The following INPP4B variants were observed in gnomAD, a reference collection of about 807,000 sequenced individuals.
INPP4B encodes inositol polyphosphate-4-phosphatase type II B.
A neutral mutation model predicts 122.5 loss-of-function variants in INPP4B; 55 were observed. The observed-to-expected ratio is 0.45, with a 90% CI of 0.36 to 0.56. The LOEUF (loss-of-function observed/expected upper bound fraction) is 0.56, where lower values mean the gene tolerates loss of function less well. INPP4B is among the 20% of genes least tolerant of loss of function. INPP4B has a pLI of 0.00. For synonymous variants in INPP4B, 403 were observed against 388.7 expected (o/e 1.04, Z -0.43); for missense variants, 1,000 against 1,097.7 (o/e 0.91, Z 1.26).
intron 1 of INPP4B, among the ~76,000 whole-genome samples, chr4:142,751,226 CAG>C (rs1372405108): frequency 8.0e-6 from 1 of 125,494 alleles, no homozygotes; most frequent in Non-Finnish European, 1.7e-5. Context: ...AATGGGCAAA[CAG>C]AAAGTTTTGT....
chr4:142,208,362 G>T, intron 14 of INPP4B, 63 bp downstream of exon 14: 1 of 737,136 alleles, frequency 1.4e-6, no homozygotes, highest in South Asian at 2.6e-5. Context: ...CAATAGTCAA[G>T]CTGTTTACAG....
At chr4:142,590,362 G>C (rs1737160373) in intron 2 of INPP4B, among the ~76,000 whole-genome samples, 1 of 152,130 alleles carries the variant, frequency 6.6e-6, no homozygotes. Flanking sequence ...TGAAGAGAGT[G>C]GTAGGACAAG....
rs1560996578 is a variant in INPP4B, at chr4:142,720,777, C to A, written c.-191+5062G>T. 5.0e-4 allele frequency among the ~76,000 whole-genome samples: 16 copies of A among 31,842 alleles called. 1 individual carries two copies. The highest frequency in any genetic ancestry group is 8.0e-4 in the African/African-American group (8 of 9,940). The allele number at this position is 31,842 out of a possible 152,430, so 20.9% of individuals were successfully genotyped here. ...ATATATATAATCTCTCTCTCTCTCT[C>A]TCTCTCTCTCTCTCTCTCTCTCTCT... On this transcript the variant is annotated intron_variant, in intron 2 of 25. Transcript: ENST00000262992.
intron 5 of INPP4B, among the ~76,000 whole-genome samples, chr4:142,417,625 A>G (rs1389336856): frequency 2.0e-5 from 3 of 152,154 alleles, no homozygotes; most frequent in African/African-American, 7.2e-5. Flanking sequence ...AGTTTCAGGG[A>G]CAGAAAGGGA....
chr4:142,296,953 C>T (rs1325272062), intron 9 of INPP4B, among the ~76,000 whole-genome samples: 1 of 151,982 alleles, frequency 6.6e-6, no homozygotes, highest in Non-Finnish European at 1.5e-5. Context: ...TGATGTCACC[C>T]TTCATTCTCA....
chr4:142,129,596 G>A (rs1800274242), intron 18 of INPP4B, among the ~76,000 whole-genome samples: 1 of 152,002 alleles, frequency 6.6e-6, no homozygotes, highest in Non-Finnish European at 1.5e-5. Context: ...AGGGGCACAG[G>A]GCCTAGAAAC....
intron 2 of INPP4B, among the ~76,000 whole-genome samples, chr4:142,625,085 CCT>C: frequency 6.7e-6 from 1 of 149,698 alleles, no homozygotes; most frequent in South Asian, 2.2e-4. Flanking sequence ...ACAGGGATGC[CCT>C]CTCTCACCAC....
intron 2 of INPP4B, among the ~76,000 whole-genome samples, chr4:142,645,132 C>G (rs1751458072): frequency 6.6e-6 from 1 of 152,070 alleles, no homozygotes; most frequent in African/African-American, 2.4e-5. Context: ...ATTTTAAATT[C>G]TGTCTCACAA....
intron 2 of INPP4B, among the ~76,000 whole-genome samples, chr4:142,647,611 G>A (rs1281143284): frequency 6.6e-6 from 1 of 152,112 alleles, no homozygotes; most frequent in Non-Finnish European, 1.5e-5. Flanking sequence ...CCATGTGTGA[G>A]ACCAGTAAAT....
At chr4:142,147,130 G>A (rs955324809) in intron 17 of INPP4B, among the ~76,000 whole-genome samples, 1 of 152,034 alleles carries the variant, frequency 6.6e-6, no homozygotes, top group African/African-American at 2.4e-5. Flanking sequence ...TCACACCACA[G>A]AACAACCTTT....
chr4:142,367,730 T>G (rs1788103447), intron 7 of INPP4B, among the ~76,000 whole-genome samples: 1 of 152,024 alleles, frequency 6.6e-6, no homozygotes. Flanking sequence ...GACTCAAAGT[T>G]TGAGAATTGT....
chr4:142,129,356 C>T (rs1426286513), intron 18 of INPP4B, among the ~76,000 whole-genome samples: 2 of 152,182 alleles, frequency 1.3e-5, no homozygotes, highest in African/African-American at 4.8e-5. Flanking sequence ...TGCCTTACAT[C>T]AACCCAAATA....
At chr4:142,731,774 GGA>G (rs200077937) in intron 1 of INPP4B, among the ~76,000 whole-genome samples, 3,963 of 151,192 alleles carry the variant, frequency 0.026, 80 homozygotes, top group South Asian at 0.046. Flanking sequence ...GATTTTCAGG[GGA>G]AAAAAAAAAC....
At chr4:142,119,271 T>G (rs1795350176) in intron 21 of INPP4B, among the ~76,000 whole-genome samples, 1 of 152,174 alleles carries the variant, frequency 6.6e-6, no homozygotes, top group Non-Finnish European at 1.5e-5. Flanking sequence ...AGAAATACCA[T>G]TTGACCCAGC....
Position 142,739,113 on chromosome 4 carries a change from A to G in INPP4B, c.-253-13212T>C, listed in dbSNP as rs78210888. Among the ~76,000 whole-genome samples the G allele has an allele frequency of 9.5e-3, 1,443 of 152,236 alleles. 27 individuals carry two copies. The highest frequency in any genetic ancestry group is 0.032 in the African/African-American group (1,342 of 41,562). ...ACCCTCAAAGAGAAATATCCCTTTGAAAACCATCAAATAAACTTCAAAAAC... is the reference window on the plus strand; with the variant it reads ...ACCCTCAAAGAGAAATATCCCTTTGGAAACCATCAAATAAACTTCAAAAAC... On this transcript the variant is annotated intron_variant, in intron 1 of 25. Transcript: ENST00000262992.
intron 25 of INPP4B, among the ~76,000 whole-genome samples, chr4:142,056,170 C>T (rs1010600115): frequency 6.6e-6 from 1 of 152,084 alleles, no homozygotes; most frequent in Non-Finnish European, 1.5e-5. Flanking sequence ...CTGGCTCACC[C>T]ACTGTTCACC....
At chr4:142,155,625 A>C (rs924164611) in intron 17 of INPP4B, among the ~76,000 whole-genome samples, 2 of 152,138 alleles carry the variant, frequency 1.3e-5, no homozygotes, top group African/African-American at 4.8e-5. Context: ...GTCATCGCCA[A>C]GGTCTGATTT....
chr4:142,240,892 T>C (rs1318246892), intron 11 of INPP4B, among the ~76,000 whole-genome samples: 4 of 152,126 alleles, frequency 2.6e-5, no homozygotes, highest in African/African-American at 9.7e-5. Flanking sequence ...AAATTCTTGA[T>C]GGTCTGATGG....
intron 11 of INPP4B, among the ~76,000 whole-genome samples, chr4:142,256,787 C>A (rs910614802): frequency 6.6e-6 from 1 of 152,184 alleles, no homozygotes; most frequent in Non-Finnish European, 1.5e-5. Context: ...CAAGGAGGAA[C>A]TGGTACCATT....
Sources: gnomAD v4.1 joint callset for allele counts (sites outside exome capture counted in the v4.1 genomes callset) on GRCh38, gnomAD v4.1.1 for gene constraint, MANE v1.5 for transcripts, NCBI Gene and HGNC (gene_info 2026-07-23, HGNC 2026-07-21) for gene names.